SBNO1: variants seen among roughly 807,000 people sequenced by gnomAD.
SBNO1 encodes the protein strawberry notch homolog 1, also known as protein strawberry notch homolog 1.
A neutral mutation model predicts 173.6 loss-of-function variants in SBNO1; 23 were observed. The ratio of observed to expected loss-of-function variants is 0.13; its 90% CI spans 0.10 to 0.19. The LOEUF is 0.19. Ranked by LOEUF, SBNO1 falls within the 10% of genes least tolerant of loss-of-function variation. SBNO1 has a pLI of 1.00. For missense variants in SBNO1, 1,238 were observed against 1,671.2 expected (o/e 0.74, Z 4.52); for synonymous variants, 632 against 571.5 (o/e 1.11, Z -1.51).
intron 8 of SBNO1, 99 bp downstream of exon 8, chr12:123,331,143 T>C (rs1040941393): frequency 1.4e-4 from 175 of 1,237,162 alleles, no homozygotes; most frequent in Non-Finnish European, 1.8e-4. Flanking sequence ...TTTGTACTTT[T>C]AGTAGAGACG....
intron 25 of SBNO1, among the ~76,000 whole-genome samples, chr12:123,310,320 C>A (rs1386842524): frequency 2.0e-5 from 3 of 150,934 alleles, no homozygotes; most frequent in Non-Finnish European, 4.4e-5. Context: ...TGCAACCTCC[C>A]CCTGCCAGAT....
rs56158087 is a variant in SBNO1 at position 123,318,737 on chromosome 12, C to CAAA, written c.2799+1160_2799+1162dup. 1.0e-3 allele frequency among the ~76,000 whole-genome samples: 119 copies of CAAA among 116,514 alleles called. 1 individual carries two copies. The East Asian group carries it at 0.011, about 11-fold the overall frequency. The allele number at this position is 116,514 out of a possible 152,430, so 76.4% of individuals were successfully genotyped here. A position where few individuals can be genotyped will look rare whatever the true frequency, so the allele number is the denominator to read the frequency against. The stretch of plus-strand genomic sequence containing the variant: ...TGGGCAACAGAGTAAGACTCTGTCT[C>CAAA]AAAAAAAAAAAAAAAAAGAGTCTCT... On this transcript the variant is annotated intron_variant, in intron 20 of 31. Coordinates refer to ENST00000602398, the MANE Select transcript of SBNO1 (RefSeq NM_001167856.3).
At position 123,292,521 on chromosome 12, in the gene SBNO1, T is replaced by G. The variant is rs1370997089; in HGVS notation, c.*3387A>C. On this transcript the variant is annotated 3_prime_UTR_variant, in exon 32 of 32. Coordinates refer to ENST00000602398, the MANE Select transcript of SBNO1 (RefSeq NM_001167856.3). ...TTCTTCTCTTGCCGGCTAACAATTGTTCTAACAGCATCCCATGGAGGCCAG... is the reference window on the plus strand; with the variant it reads ...TTCTTCTCTTGCCGGCTAACAATTGGTCTAACAGCATCCCATGGAGGCCAG... The G allele has an allele frequency of 6.6e-6, 1 of 152,184 alleles. No homozygotes were observed. Among genetic ancestry groups the G allele is most frequent in the African/African-American group, 2.4e-5 (1 of 41,452 alleles). 9.4% of individuals were successfully genotyped at this position (152,184 alleles called of 1,614,324 possible).
intron 7 of SBNO1, among the ~76,000 whole-genome samples, chr12:123,332,987 G>C (rs1001248518): frequency 2.6e-5 from 4 of 152,138 alleles, no homozygotes; most frequent in African/African-American, 9.7e-5. Context: ...AGCCGGGCGT[G>C]GCGGTGGGTG....
intron 19 of SBNO1, 106 bp from the exon 20 acceptor site, chr12:123,320,137 C>G: frequency 8.0e-7 from 1 of 1,247,504 alleles, no homozygotes; most frequent in Middle Eastern, 1.9e-4. Context: ...ACAGGCTGTG[C>G]TGCACCACAC....
intron 1 of SBNO1, among the ~76,000 whole-genome samples, chr12:123,352,341 C>T (rs906235300): frequency 2.0e-5 from 3 of 152,200 alleles, no homozygotes; most frequent in Non-Finnish European, 4.4e-5. Flanking sequence ...TACGCAGTTT[C>T]GCTCTTGTTG....
In SBNO1 at chr12:123,306,311, T is replaced by C. The variant is rs573872080; in HGVS notation, c.3631-1592A>G. Among the ~76,000 whole-genome samples, 6 of 152,270 alleles carry C rather than the reference T, an allele frequency of 3.9e-5. No homozygotes were observed. In the East Asian group the frequency reaches 1.2e-3, roughly 29 times the overall value. ...CAGTGGAAAGTGATTCTGACATTGT[T>C]TTCCCAATGGCAGCACAGGCTACAC... is the stretch of plus-strand genomic sequence containing the variant. On this transcript the variant is annotated intron_variant, in intron 28 of 31. Coordinates refer to ENST00000602398, the MANE Select transcript of SBNO1 (RefSeq NM_001167856.3).
intron 7 of SBNO1, 39 bp from the exon 8 acceptor site, chr12:123,331,414 G>A: frequency 8.1e-6 from 13 of 1,599,312 alleles, no homozygotes; most frequent in Non-Finnish European, 1.1e-5. Flanking sequence ...TAATCCTTCA[G>A]ATATTTTGGT....
rs1483791067 is a variant in SBNO1, at chr12:123,289,877, C to A, written c.*6031G>T. The A allele has an allele frequency of 6.6e-6, 1 of 152,222 alleles. No individual in the cohort carries two copies. The highest frequency in any genetic ancestry group is 6.5e-5 in the Admixed American group (1 of 15,278). 9.4% of individuals were successfully genotyped at this position (152,222 alleles called of 1,614,324 possible). On this transcript the variant is annotated 3_prime_UTR_variant, in exon 32 of 32. Transcript: ENST00000602398. Reference sequence around the variant, plus strand: ...TTCAGTGCCATAAATACTGTCACAGCAAAAAGGCCTTCAGTGTCTGCTGGC... The same window carrying A: ...TTCAGTGCCATAAATACTGTCACAGAAAAAAGGCCTTCAGTGTCTGCTGGC...
At chr12:123,355,029 C>CA (rs1555252541) in intron 1 of SBNO1, among the ~76,000 whole-genome samples, 1 of 150,722 alleles carries the variant, frequency 6.6e-6, no homozygotes, top group African/African-American at 2.4e-5. Context: ...GTTTCTTTTT[C>CA]TTTTTTTTTG....
rs903912472 is a variant in SBNO1, at chr12:123,293,787, A to G, written c.*2121T>C. On this transcript the variant is annotated 3_prime_UTR_variant, in exon 32 of 32. Transcript: ENST00000602398. Reference sequence around the variant, plus strand: ...CGCCATAAAAAACTAAGATGCCCTCATACACAGAAAAGAGGAGTTGGGCCA... The same window carrying G: ...CGCCATAAAAAACTAAGATGCCCTCGTACACAGAAAAGAGGAGTTGGGCCA... The G allele has an allele frequency of 1.3e-5, 2 of 152,222 alleles. No homozygotes were observed. The highest frequency in any genetic ancestry group is 2.4e-5 in the African/African-American group (1 of 41,458). The allele number at this position is 152,222 out of a possible 1,614,324, so 9.4% of individuals were successfully genotyped here.
chr12:123,302,163 C>T (rs1006504363), intron 30 of SBNO1, among the ~76,000 whole-genome samples: 1 of 151,806 alleles, frequency 6.6e-6, no homozygotes, highest in African/African-American at 2.4e-5. Flanking sequence ...GAACTCCCGA[C>T]CTTAGATTAT....
chr12:123,308,702 G>T (rs2048983284), intron 28 of SBNO1, among the ~76,000 whole-genome samples: 1 of 151,880 alleles, frequency 6.6e-6, no homozygotes, highest in African/African-American at 2.4e-5. Context: ...GCCAGGTGTG[G>T]TGGCTCACAT....
At chr12:123,308,826 G>A (rs2048985680) in intron 28 of SBNO1, among the ~76,000 whole-genome samples, 1 of 151,424 alleles carries the variant, frequency 6.6e-6, no homozygotes, top group Non-Finnish European at 1.5e-5. Context: ...AAATTAGGCT[G>A]GGCACAGTGG....
At chr12:123,356,763 A>T (rs1213295221) in intron 1 of SBNO1, among the ~76,000 whole-genome samples, 1 of 152,226 alleles carries the variant, frequency 6.6e-6, no homozygotes, top group Non-Finnish European at 1.5e-5. Context: ...TATATAAAAT[A>T]CTAGTCCCTT....
At chr12:123,332,199 T>C (rs1408079386) in intron 7 of SBNO1, among the ~76,000 whole-genome samples, 1 of 152,216 alleles carries the variant, frequency 6.6e-6, no homozygotes, top group African/African-American at 2.4e-5. Context: ...CTGCTACTCT[T>C]CCATGCACCA....
rs73421386 is a variant in SBNO1, at chr12:123,298,933, T to G, written c.3846-762A>C. 5.2e-3 allele frequency among the ~76,000 whole-genome samples: 783 copies of G among 152,030 alleles called. 12 individuals carry two copies. Among genetic ancestry groups the G allele is most frequent in the African/African-American group, 0.018 (745 of 41,474 alleles). ...GGCGAGGCTCTATCTCTACAAAAAG[T>G]TTAAAATAATTAGGTATGGTGGCTC... On this transcript the variant is annotated intron_variant, in intron 30 of 31. Transcript: ENST00000602398.
chr12:123,337,688 T>C (rs1327987542), intron 5 of SBNO1, among the ~76,000 whole-genome samples: 1 of 152,192 alleles, frequency 6.6e-6, no homozygotes, highest in Non-Finnish European at 1.5e-5. Context: ...AAAACAGGAC[T>C]GGCCAAATGA....
intron 25 of SBNO1, 82 bp downstream of exon 25, chr12:123,310,973 C>T: frequency 9.7e-7 from 1 of 1,033,066 alleles, no homozygotes; most frequent in Non-Finnish European, 1.5e-6. Context: ...TGAAGCTTCC[C>T]CTTCAGCTCA....
Sources: allele counts gnomAD v4.1 joint callset (sites outside exome capture counted in the v4.1 genomes callset), GRCh38; gene constraint gnomAD v4.1.1; transcripts MANE v1.5; gene names NCBI Gene and HGNC (gene_info 2026-07-23, HGNC 2026-07-21).